RNPC3: variants seen among roughly 807,000 people sequenced by gnomAD.
RNPC3 encodes RNA-binding region-containing protein 3.
RNPC3 carries 48 observed loss-of-function variants against 67.5 expected under a neutral mutation model. The ratio of observed to expected loss-of-function variants is 0.71; its 90% confidence interval spans 0.56 to 0.90. RNPC3 has a LOEUF of 0.90. Among genes scored for constraint, RNPC3 ranks in the 40% least tolerant of loss-of-function variants. RNPC3 has a pLI of 0.00. For missense variants in RNPC3, 637 were observed against 626.1 expected (o/e 1.02, Z -0.19); for synonymous variants, 239 against 210.3 (o/e 1.14, Z -1.18).
rs1206393617 is a variant in RNPC3 at position 103,526,035 on chromosome 1, C to A, written c.-36C>A. On this transcript the variant is annotated 5_prime_UTR_variant, in exon 1 of 15. Transcript: ENST00000423855. Reference sequence around the variant, plus strand: ...GATGCCGCGATTTTGACTGAGACTTCTTCCCACGATTTCTGTTTTTGCTTC... The same window carrying A: ...GATGCCGCGATTTTGACTGAGACTTATTCCCACGATTTCTGTTTTTGCTTC... The A allele has an allele frequency of 1.4e-6, 2 of 1,476,590 alleles. No individual in the cohort carries two copies. The highest frequency in any genetic ancestry group is 9.1e-7 in the Non-Finnish European group (1 of 1,099,978). 91.5% of individuals were successfully genotyped at this position (1,476,590 alleles called of 1,614,324 possible).
intron 11 of RNPC3, 161 bp from the exon 12 acceptor site, chr1:103,546,816 T>A: frequency 1.9e-6 from 1 of 516,934 alleles, no homozygotes; most frequent in South Asian, 3.1e-5. Flanking sequence ...TTTGTGAGTA[T>A]CTGTCCAAAT....
intron 14 of RNPC3, chr1:103,552,000 A>C: frequency 2.6e-6 from 1 of 380,710 alleles, no homozygotes; most frequent in East Asian, 4.6e-5. Flanking sequence ...TGGAGAATGA[A>C]TCTTATAAGG....
chr1:103,534,981 T>C (rs761451410), intron 4 of RNPC3, 124 bp downstream of exon 4: 15 of 576,042 alleles, frequency 2.6e-5, no homozygotes, highest in Non-Finnish European at 4.5e-5. Flanking sequence ...TTATTGTATA[T>C]TGTGTTATAT....
At chr1:103,554,143 C>T (rs1242219722) in intron 14 of RNPC3, 1 of 152,242 alleles carries the variant, frequency 6.6e-6, no homozygotes, top group Non-Finnish European at 1.5e-5. Context: ...CACTTGAGCC[C>T]AGGAGTTTGA....
intron 9 of RNPC3, 73 bp from the exon 10 acceptor site, chr1:103,544,868 T>A (rs962043237): frequency 1.9e-5 from 16 of 856,748 alleles, no homozygotes; most frequent in Non-Finnish European, 2.6e-5. Context: ...GAATATAAAA[T>A]AGGAGGTGGG....
intron 2 of RNPC3, among the ~76,000 whole-genome samples, chr1:103,533,357 G>T (rs1650907224): frequency 6.6e-6 from 1 of 151,942 alleles, no homozygotes; most frequent in Non-Finnish European, 1.5e-5. Context: ...CTGAGATATA[G>T]GTGGAAAAAA....
chr1:103,532,233 C>T (rs898448863), intron 2 of RNPC3, among the ~76,000 whole-genome samples: 1 of 152,034 alleles, frequency 6.6e-6, no homozygotes, highest in African/African-American at 2.4e-5. Context: ...TGACTATGGC[C>T]TTATGGTATA....
intron 1 of RNPC3, among the ~76,000 whole-genome samples, chr1:103,526,562 T>C (rs527674471): frequency 6.6e-6 from 1 of 152,180 alleles, no homozygotes; most frequent in Non-Finnish European, 1.5e-5. Flanking sequence ...CTCACAACTT[T>C]TTTGAATTTG....
At chr1:103,527,659 A>G (rs781055650) in intron 1 of RNPC3, 36 bp from the exon 2 acceptor site, 8 of 1,477,788 alleles carry the variant, frequency 5.4e-6, no homozygotes, top group Non-Finnish European at 6.5e-6. Context: ...AACTGAAATT[A>G]TATTGGAAGT....
At position 103,530,944 on chromosome 1, in the gene RNPC3, C is replaced by G. The variant is rs147876718; in HGVS notation, c.241-2795C>G. On this transcript the variant is annotated intron_variant, in intron 2 of 14. Coordinates refer to ENST00000423855, the MANE Select transcript of RNPC3 (RefSeq NM_017619.4). ...TCTGAGATTTTGATGTACCTGTCAC[C>G]CAAGCAATATACACTGTGCCCATTG... Among the ~76,000 whole-genome samples, 706 of 152,202 alleles carry G rather than the reference C, an allele frequency of 4.6e-3. 9 individuals are homozygous for G. The highest frequency in any genetic ancestry group is 0.016 in the African/African-American group (672 of 41,510).
intron 2 of RNPC3, among the ~76,000 whole-genome samples, chr1:103,528,297 A>G (rs909957870): frequency 6.6e-6 from 1 of 152,168 alleles, no homozygotes; most frequent in Non-Finnish European, 1.5e-5. Context: ...GACACTTGAT[A>G]CTTTTGAGCT....
intron 11 of RNPC3, 80 bp from the exon 12 acceptor site, chr1:103,546,897 G>T (rs1463917293): frequency 4.1e-5 from 29 of 708,908 alleles, no homozygotes; most frequent in Non-Finnish European, 6.8e-5. Context: ...CTCTTCTACT[G>T]ATGCATTGAT....
intron 2 of RNPC3, among the ~76,000 whole-genome samples, chr1:103,528,346 A>C (rs536033306): frequency 6.6e-6 from 1 of 152,212 alleles, no homozygotes; most frequent in African/African-American, 2.4e-5. Context: ...GATATCTGGT[A>C]TAGTTCATAT....
At chr1:103,534,733 C>A in intron 3 of RNPC3, 41 bp from the exon 4 acceptor site, 2 of 1,191,906 alleles carry the variant, frequency 1.7e-6, no homozygotes, top group South Asian at 1.5e-5. Context: ...GTTTTTCACC[C>A]TTTGGAAAGA....
intron 14 of RNPC3, chr1:103,553,261 T>C (rs982017478): frequency 3.3e-5 from 5 of 152,360 alleles, no homozygotes; most frequent in Non-Finnish European, 7.3e-5. Flanking sequence ...TGCATTCTGC[T>C]GTTCTTCTTT....
chr1:103,545,436 A>G, intron 10 of RNPC3: 1 of 194,786 alleles, frequency 5.1e-6, no homozygotes, highest in Non-Finnish European at 1.0e-5. Context: ...ACTGTCACAA[A>G]TACTGTGTCT....
chr1:103,549,324 T>G (rs530853830), intron 12 of RNPC3, among the ~76,000 whole-genome samples: 59 of 152,334 alleles, frequency 3.9e-4, no homozygotes, highest in African/African-American at 1.4e-3. Context: ...ACACCAATAC[T>G]TTACAAATCT....
intron 5 of RNPC3, 53 bp from the exon 6 acceptor site, chr1:103,536,073 A>C (rs914933160): frequency 3.8e-6 from 5 of 1,306,770 alleles, no homozygotes; most frequent in Non-Finnish European, 5.3e-6. Flanking sequence ...ATAAAATACA[A>C]GATGTGAGTT....
intron 1 of RNPC3, among the ~76,000 whole-genome samples, chr1:103,527,469 G>C (rs1212785485): frequency 6.6e-6 from 1 of 152,180 alleles, no homozygotes; most frequent in Middle Eastern, 3.2e-3. Flanking sequence ...TGTGTAAAAC[G>C]TGTGTCTTTA....
Sources: gnomAD v4.1 joint callset for allele counts (sites outside exome capture counted in the v4.1 genomes callset) on GRCh38, gnomAD v4.1.1 for gene constraint, MANE v1.5 for transcripts, NCBI Gene and HGNC (gene_info 2026-07-23, HGNC 2026-07-21) for gene names.